DOCK8: variants seen among roughly 807,000 people sequenced by gnomAD.
DOCK8 encodes the protein dedicator of cytokinesis protein 8.
In DOCK8, 141 loss-of-function variants were observed where a neutral mutation model predicts 245.6. That is an observed-to-expected ratio of 0.57 (90% CI 0.50 to 0.66). The LOEUF is 0.66. Among genes scored for constraint, DOCK8 ranks in the 30% least tolerant of loss-of-function variants. The probability of loss-of-function intolerance (pLI) is 0.00; values close to 1 mark genes in which losing one functional copy is unlikely to be tolerated. For synonymous variants in DOCK8, 1,168 were observed against 970.2 expected (o/e 1.20, Z -3.79); for missense variants, 2,965 against 2,603.4 (o/e 1.14, Z -3.02).
rs1458063322 is a variant in DOCK8, at chr9:241,000, T to TCCC, written c.53+25971_53+25972insCCC. Among the ~76,000 whole-genome samples the TCCC allele has an allele frequency of 2.5e-3, 383 of 152,324 alleles. 3 individuals carry two copies. Among genetic ancestry groups the TCCC allele is most frequent in the African/African-American group, 8.9e-3 (369 of 41,580 alleles). ...AAGGGAAAATGATTATTGTTTCTTTTTCCTCTTATCTTTTAGAAAAGGGAA... is the reference window on the plus strand; with the variant it reads ...AAGGGAAAATGATTATTGTTTCTTTTCCCTCCTCTTATCTTTTAGAAAAGGGAA... On this transcript the variant is annotated intron_variant, in intron 1 of 47. Transcript: ENST00000432829.
intron 1 of DOCK8, among the ~76,000 whole-genome samples, chr9:223,046 A>G (rs2046919185): frequency 6.6e-6 from 1 of 152,044 alleles, no homozygotes; most frequent in African/African-American, 2.4e-5. Context: ...TTTTTTTTTA[A>G]TGTTCCTTTT....
intron 33 of DOCK8, among the ~76,000 whole-genome samples, chr9:423,581 T>C (rs868434725): frequency 6.6e-6 from 1 of 152,236 alleles, no homozygotes; most frequent in African/African-American, 2.4e-5. Context: ...TATGGGACTT[T>C]GGGGAGTCAC....
chr9:255,395 C>T (rs948600340), intron 1 of DOCK8, among the ~76,000 whole-genome samples: 23 of 152,054 alleles, frequency 1.5e-4, no homozygotes, highest in African/African-American at 5.3e-4. Context: ...AGGCAGAGCG[C>T]GGTGGCTCAT....
intron 14 of DOCK8, among the ~76,000 whole-genome samples, chr9:365,225 A>G (rs897209530): frequency 2.0e-5 from 3 of 152,240 alleles, no homozygotes; most frequent in African/African-American, 7.2e-5. Flanking sequence ...AGGCAAGTGT[A>G]GAAGTCAAGA....
At chr9:434,741 C>A in intron 38 of DOCK8, 42 bp from the exon 39 acceptor site, 1 of 1,588,346 alleles carries the variant, frequency 6.3e-7, no homozygotes, top group Non-Finnish European at 8.6e-7. Context: ...GTGTCATTAA[C>A]CCACTGTCCT....
chr9:405,012 A>G lies in DOCK8; in HGVS notation c.3329A>G (p.Asn1110Ser), dbSNP rs2055346641. Residue 1110 changes from asparagine to serine, a missense_variant, in exon 27 of 48, where the codon AAC becomes AGC. By Grantham distance (46) the Asn-to-Ser change is conservative. This residue lies in a region of DOCK8 where 2,825 missense variants were observed against 2,453.5 expected (regional missense o/e 1.15). Coordinates refer to ENST00000432829, the MANE Select transcript of DOCK8 (RefSeq NM_203447.4). ...AGCCATGAGCATTACCTCAATCTGA[A>G]CCTTTTTTTTATGAATGCTGATACT... ...LCSHEHYLNL[N>S]LFFMNADTAP... 6.2e-7 allele frequency: 1 copy of G among 1,613,754 alleles called. No individual in the cohort carries two copies. The highest frequency in any genetic ancestry group is 1.3e-5 in the African/African-American group (1 of 74,858).
In DOCK8 at chr9:304,601, T is replaced by C. The variant is rs1236272945; in HGVS notation, c.425T>C (p.Ile142Thr). The change falls in exon 5 of 48, where the codon ATC becomes ACC. Residue 142 changes from isoleucine to threonine, a missense_variant. Physicochemically the swap from Ile to Thr is moderately conservative, Grantham distance 89 (BLOSUM62 -1). Transcript: ENST00000432829. ...VNRKNQGSPE[I>T]CGFKKTGSRK... ...AAAAGAAACCAAGGAAGTCCAGAAA[T>C]CTGTGGCTTTAAAAAGACTGGATCT... 1 of 1,614,160 alleles carries C rather than the reference T, an allele frequency of 6.2e-7. No homozygotes were observed. Among genetic ancestry groups the C allele is most frequent in the African/African-American group, 1.3e-5 (1 of 75,040 alleles).
Position 465,168 on chromosome 9 carries a change from A to G in DOCK8, c.*949A>G, listed in dbSNP as rs545009066. The G allele has an allele frequency of 6.5e-6, 1 of 152,690 alleles. No homozygotes were observed. Among genetic ancestry groups the G allele is most frequent in the Non-Finnish European group, 1.5e-5 (1 of 68,050 alleles). The allele number at this position is 152,690 out of a possible 1,614,324, so 9.5% of individuals were successfully genotyped here. A position where few individuals can be genotyped will look rare whatever the true frequency, so the allele number is the denominator to read the frequency against. On this transcript the variant is annotated 3_prime_UTR_variant, in exon 48 of 48. Coordinates refer to ENST00000432829, the MANE Select transcript of DOCK8 (RefSeq NM_203447.4). ...AGGACTTTAGGAAAAAGAGGAACAAAGACATTATTTGAGAATTAAATTATA... is the reference window on the plus strand; with the variant it reads ...AGGACTTTAGGAAAAAGAGGAACAAGGACATTATTTGAGAATTAAATTATA...
chr9:222,222 C>A (rs1018888449), intron 1 of DOCK8, among the ~76,000 whole-genome samples: 4 of 151,690 alleles, frequency 2.6e-5, no homozygotes, highest in African/African-American at 9.7e-5. Context: ...ATGATTGCGC[C>A]ACTACTCTCC....
intron 4 of DOCK8, among the ~76,000 whole-genome samples, chr9:298,176 G>C (rs2049347817): frequency 6.6e-6 from 1 of 152,212 alleles, no homozygotes; most frequent in South Asian, 2.1e-4. Context: ...TGTAATCGCA[G>C]CACTTTGGGA....
Position 428,478 on chromosome 9 carries a change from C to G in DOCK8, c.4455C>G (p.Leu1485=), listed in dbSNP as rs1375666728. ...TTYLTHCFAT[L]RALIAKFGDL... is the part of the protein sequence containing the mutation. ...ACCTGACTCACTGCTTTGCAACACT[C>G]CGTGCTCTCATCGCCAAGGTAAACT... Residue 1485 remains leucine, a synonymous_variant, in exon 35 of 48, where the codon CTC becomes CTG. Transcript: ENST00000432829. The G allele has an allele frequency of 5.0e-6, 8 of 1,614,162 alleles. No homozygotes were observed. The African/African-American group carries it at 9.3e-5, about 19-fold the overall frequency.
chr9:287,723 A>AT (rs1197518898), intron 3 of DOCK8, among the ~76,000 whole-genome samples: 1 of 152,190 alleles, frequency 6.6e-6, no homozygotes, highest in Non-Finnish European at 1.5e-5. Flanking sequence ...TTTGGGAAAC[A>AT]TACTCCCCCA....
intron 14 of DOCK8, chr9:340,540 G>C (rs1436432581): frequency 5.8e-6 from 3 of 521,254 alleles, no homozygotes; most frequent in African/African-American, 3.8e-5. Flanking sequence ...AGAATCGCTT[G>C]AACCCAGGAG....
intron 36 of DOCK8, 51 bp from the exon 37 acceptor site, chr9:432,091 CCATGCTGCTTTCAGTTATCTACTG>C: frequency 6.6e-7 from 1 of 1,504,814 alleles, no homozygotes; most frequent in African/African-American, 1.4e-5. Flanking sequence ...TTGTGTCTGG[CCATGCTGCTTTCAGTTATCTACTG>C]CTAAGTGTGT....
chr9:227,552 C>T (rs2047015913), intron 1 of DOCK8, among the ~76,000 whole-genome samples: 2 of 152,150 alleles, frequency 1.3e-5, no homozygotes, highest in Non-Finnish European at 2.9e-5. Flanking sequence ...TGCAGCTGCC[C>T]TCTGAAGGCC....
chr9:399,154 A>G lies in DOCK8; in HGVS notation c.3129A>G (p.Glu1043=), dbSNP rs1172364747. 1.9e-6 allele frequency: 3 copies of G among 1,613,768 alleles called. No individual in the cohort carries two copies. The Admixed American group carries it at 5.0e-5, about 27-fold the overall frequency. Reference sequence around the variant, plus strand: ...GTTTGTTTGTTTTTAAGGAAAATGAACAGGCGGAAAAGATGAACATCAGCC... The same window carrying G: ...GTTTGTTTGTTTTTAAGGAAAATGAGCAGGCGGAAAAGATGAACATCAGCC... ...ALLVKPQKEN[E]QAEKMNISLA... is the part of the protein sequence containing the mutation. The change falls in exon 26 of 48, where the codon GAA becomes GAG. Residue 1043 remains glutamate (E), a synonymous_variant. Transcript: ENST00000432829.
intron 2 of DOCK8, among the ~76,000 whole-genome samples, chr9:273,882 T>C (rs1008406875): frequency 3.3e-5 from 5 of 152,076 alleles, no homozygotes; most frequent in Admixed American, 2.6e-4. Context: ...AATTTTGTAT[T>C]TTGAGTAGAG....
At chr9:461,968 CTTTTT>C (rs375510970) in intron 46 of DOCK8, among the ~76,000 whole-genome samples, 1 of 143,874 alleles carries the variant, frequency 7.0e-6, no homozygotes, top group South Asian at 2.2e-4. Flanking sequence ...TATTTATTTT[CTTTTT>C]TTTTTTCTAG....
chr9:215,442 G>A (rs774363713), intron 1 of DOCK8: 3 of 1,499,286 alleles, frequency 2.0e-6, no homozygotes, highest in Non-Finnish European at 2.7e-6. Flanking sequence ...GGGGGAAGAA[G>A]TGAAGTGGCT....
Sources: gnomAD v4.1 joint callset for allele counts (sites outside exome capture counted in the v4.1 genomes callset) on GRCh38, gnomAD v4.1.1 for gene constraint, gnomAD v4.1.1 regional missense constraint, MANE v1.5 for transcripts, NCBI Gene and HGNC (gene_info 2026-07-23, HGNC 2026-07-21) for gene names.